The following DRC11 variants were observed in gnomAD, a reference collection of about 807,000 sequenced individuals.
The protein encoded by DRC11 is dynein regulatory complex subunit 11.
chr2:236,453,525 G>A, the DRC11 span, among the ~76,000 whole-genome samples: 1 of 152,206 alleles, frequency 6.6e-6, no homozygotes, highest in Non-Finnish European at 1.5e-5. This position sits in a 1 kb window ranked among gnomAD's most constrained non-coding sequence, Gnocchi z 4.9. Context: ...TGCCGCAGAT[G>A]CGTTAAGTAC....
the DRC11 span, among the ~76,000 whole-genome samples, chr2:236,315,055 G>C: frequency 4.6e-5 from 7 of 152,216 alleles, no homozygotes; most frequent in Non-Finnish European, 1.0e-4. This position sits in a 1 kb window ranked among gnomAD's most constrained non-coding sequence, Gnocchi z 5.1. Flanking sequence ...TAAAGCTACA[G>C]TGCTCAAGTC....
At chr2:236,452,833 T>C in the DRC11 span, among the ~76,000 whole-genome samples, 3 of 152,156 alleles carry the variant, frequency 2.0e-5, no homozygotes, top group African/African-American at 7.2e-5. This position sits in a 1 kb window ranked among gnomAD's most constrained non-coding sequence, Gnocchi z 4.7. Flanking sequence ...AACCTCCCCA[T>C]CCAACTTCCT....
chr2:236,457,009 A>G, the DRC11 span, among the ~76,000 whole-genome samples: 35 of 152,316 alleles, frequency 2.3e-4, no homozygotes, highest in African/African-American at 8.2e-4. This position sits in a 1 kb window ranked among gnomAD's most constrained non-coding sequence, Gnocchi z 4.7. Flanking sequence ...CAGGCAGCCC[A>G]CCTGGGCTTC....
the DRC11 span, among the ~76,000 whole-genome samples, chr2:236,417,672 T>C: frequency 6.6e-6 from 1 of 151,944 alleles, no homozygotes; most frequent in East Asian, 1.9e-4. Flanking sequence ...CAACCCGTCA[T>C]CTAGGTTTTA....
At chr2:236,441,609 A>G in the DRC11 span, among the ~76,000 whole-genome samples, 1 of 152,208 alleles carries the variant, frequency 6.6e-6, no homozygotes, top group South Asian at 2.1e-4. Context: ...TTATTTTTCC[A>G]TAATCACATA....
chr2:236,399,981 T>G, the DRC11 span, among the ~76,000 whole-genome samples: 1 of 152,082 alleles, frequency 6.6e-6, no homozygotes, highest in Non-Finnish European at 1.5e-5. The surrounding 1 kb of genome is among the most constrained non-coding windows in gnomAD (Gnocchi z 7.0). Context: ...CCTCCCACAG[T>G]GTTGGGATTA....
At chr2:236,353,671 T>C in the DRC11 span, among the ~76,000 whole-genome samples, 3 of 152,228 alleles carry the variant, frequency 2.0e-5, no homozygotes, top group South Asian at 6.2e-4. This position sits in a 1 kb window ranked among gnomAD's most constrained non-coding sequence, Gnocchi z 5.0. Flanking sequence ...CCACACATAT[T>C]TACGGAGCAT....
the DRC11 span, among the ~76,000 whole-genome samples, chr2:236,459,502 T>TATAC: frequency 1.1e-4 from 12 of 107,622 alleles, no homozygotes; most frequent in Admixed American, 2.0e-4. Flanking sequence ...CGTATATATG[T>TATAC]ATACGTATAC....
chr2:236,392,336 T>A, the DRC11 span: 4 of 1,587,502 alleles, frequency 2.5e-6, no homozygotes, highest in Non-Finnish European at 1.7e-6. The surrounding 1 kb of genome is among the most constrained non-coding windows in gnomAD (Gnocchi z 5.1). Context: ...GACTCATCTT[T>A]TTTCATCCAG....
the DRC11 span, among the ~76,000 whole-genome samples, chr2:236,470,014 C>T: frequency 2.6e-5 from 4 of 152,234 alleles, no homozygotes; most frequent in East Asian, 1.9e-4. The surrounding 1 kb of genome is among the most constrained non-coding windows in gnomAD (Gnocchi z 5.1). Context: ...CAAGGTCCTC[C>T]GTCAGCAAAA....
the DRC11 span, among the ~76,000 whole-genome samples, chr2:236,344,056 T>A: frequency 1.3e-5 from 2 of 151,138 alleles, no homozygotes; most frequent in East Asian, 3.9e-4. Flanking sequence ...TGCTGGTGAT[T>A]TGTGGGGGGA....
At chr2:236,387,664 T>G in the DRC11 span, among the ~76,000 whole-genome samples, 1 of 151,686 alleles carries the variant, frequency 6.6e-6, no homozygotes, top group African/African-American at 2.4e-5. Context: ...CCATTTACAT[T>G]TAAAGTTAAT....
the DRC11 span, among the ~76,000 whole-genome samples, chr2:236,404,161 T>TAAAAAAA: frequency 1.1e-4 from 10 of 91,492 alleles, no homozygotes; most frequent in African/African-American, 1.6e-4. Flanking sequence ...AATGGAGAGT[T>TAAAAAAA]AAAAAAAAAA....
the DRC11 span, among the ~76,000 whole-genome samples, chr2:236,400,030 T>C: frequency 2.0e-5 from 3 of 152,190 alleles, no homozygotes; most frequent in African/African-American, 7.2e-5. This position sits in a 1 kb window ranked among gnomAD's most constrained non-coding sequence, Gnocchi z 7.9. Context: ...TCCTGTCTTC[T>C]CATGCTCTCA....
the DRC11 span, among the ~76,000 whole-genome samples, chr2:236,498,621 C>G: frequency 6.6e-6 from 1 of 152,146 alleles, no homozygotes; most frequent in Non-Finnish European, 1.5e-5. Context: ...ACCCTCTTGT[C>G]CACACCCTGG....
At chr2:236,343,678 A>G in the DRC11 span, 13 of 1,290,886 alleles carry the variant, frequency 1.0e-5, no homozygotes, top group Non-Finnish European at 1.1e-5. The surrounding 1 kb of genome is among the most constrained non-coding windows in gnomAD (Gnocchi z 6.6). Flanking sequence ...GAACCCGGTC[A>G]TTCCTGCCAT....
the DRC11 span, among the ~76,000 whole-genome samples, chr2:236,499,023 C>A: frequency 6.6e-6 from 1 of 152,206 alleles, no homozygotes; most frequent in Non-Finnish European, 1.5e-5. This position sits in a 1 kb window ranked among gnomAD's most constrained non-coding sequence, Gnocchi z 4.7. Flanking sequence ...TAAGGCCTTT[C>A]CCTATGCTAA....
the DRC11 span, chr2:236,343,611 G>A: frequency 1.3e-6 from 1 of 752,282 alleles, no homozygotes; most frequent in Non-Finnish European, 2.1e-6. This position sits in a 1 kb window ranked among gnomAD's most constrained non-coding sequence, Gnocchi z 6.6. Context: ...CTCCAGGTGT[G>A]TGACACGTGA....
At chr2:236,307,959 T>C in the DRC11 span, among the ~76,000 whole-genome samples, 2 of 145,962 alleles carry the variant, frequency 1.4e-5, no homozygotes, top group Non-Finnish European at 2.9e-5. The surrounding 1 kb of genome is among the most constrained non-coding windows in gnomAD (Gnocchi z 7.0). Flanking sequence ...ACAAGCGTCC[T>C]CGTGTGCTTG....
Sources: allele counts gnomAD v4.1 joint callset (sites outside exome capture counted in the v4.1 genomes callset), GRCh38; gene constraint gnomAD v4.1.1; non-coding constraint Gnocchi (gnomAD v3.1); transcripts MANE v1.5; gene names NCBI Gene and HGNC (gene_info 2026-07-23, HGNC 2026-07-21).